Variants in KCTD16 observed in about 807,000 individuals in gnomAD.
The protein encoded by KCTD16 is potassium channel tetramerization domain containing 16.
A neutral mutation model predicts 33.2 loss-of-function variants in KCTD16; 13 were observed. The ratio of observed to expected loss-of-function variants is 0.39; its 90% CI spans 0.25 to 0.62. The LOEUF (loss-of-function observed/expected upper bound fraction) is 0.62, where lower values mean the gene tolerates loss of function less well. KCTD16 is among the 20% of genes least tolerant of loss of function. The probability of loss-of-function intolerance (pLI) is 0.50; values close to 1 mark genes in which losing one functional copy is unlikely to be tolerated. For missense variants in KCTD16, 441 were observed against 525.1 expected, an observed-to-expected ratio of 0.84 and a Z score of 1.57; for synonymous variants, 197 against 195.3, an observed-to-expected ratio of 1.01 and a Z score of -0.07.
intron 3 of KCTD16, 126 bp downstream of exon 3, chr5:144,207,672 GT>G: frequency 1.3e-6 from 1 of 747,048 alleles, no homozygotes; most frequent in Non-Finnish European, 2.1e-6. Context: ...TTGAGTTGTA[GT>G]TAGAGGATTA....
chr5:144,271,253 A>G (rs1755285664), intron 3 of KCTD16, among the ~76,000 whole-genome samples: 1 of 152,094 alleles, frequency 6.6e-6, no homozygotes, highest in South Asian at 2.1e-4. Context: ...AATTGATGCA[A>G]AAATCCTCAC....
intron 3 of KCTD16, among the ~76,000 whole-genome samples, chr5:144,385,572 C>A (rs1456862885): frequency 6.6e-6 from 1 of 152,154 alleles, no homozygotes; most frequent in East Asian, 1.9e-4. Context: ...TACTATAGGA[C>A]AATTTTCTTT....
At chr5:144,301,754 A>G (rs1257167064) in intron 3 of KCTD16, among the ~76,000 whole-genome samples, 1 of 152,210 alleles carries the variant, frequency 6.6e-6, no homozygotes, top group Non-Finnish European at 1.5e-5. Flanking sequence ...TTCCCTTAGC[A>G]ACCAAGTGCT....
intron 3 of KCTD16, among the ~76,000 whole-genome samples, chr5:144,265,663 G>A (rs1480082177): frequency 6.6e-6 from 1 of 152,136 alleles, no homozygotes; most frequent in African/African-American, 2.4e-5. Flanking sequence ...AAATATTGTT[G>A]AATGAATGAA....
intron 3 of KCTD16, among the ~76,000 whole-genome samples, chr5:144,398,998 A>G (rs1253703124): frequency 2.6e-5 from 4 of 151,956 alleles, no homozygotes; most frequent in African/African-American, 9.7e-5. Context: ...GGAAATCTCT[A>G]AGTACCAGAG....
chr5:144,180,243 T>G (rs777861957), intron 2 of KCTD16, among the ~76,000 whole-genome samples: 1 of 152,172 alleles, frequency 6.6e-6, no homozygotes, highest in Non-Finnish European at 1.5e-5. Context: ...GTCCTGAGCA[T>G]TAGTGCACAT....
At chr5:144,460,478 G>T (rs995365088) in intron 3 of KCTD16, among the ~76,000 whole-genome samples, 5 of 152,130 alleles carry the variant, frequency 3.3e-5, no homozygotes, top group African/African-American at 1.2e-4. Context: ...GTCTCACTCT[G>T]TCACCCAAGC....
At chr5:144,459,824 CTTTTTTTTTT>C (rs70995051) in intron 3 of KCTD16, among the ~76,000 whole-genome samples, 18 of 66,758 alleles carry the variant, frequency 2.7e-4, no homozygotes, top group Non-Finnish European at 4.4e-4. Context: ...CCAATATCAT[CTTTTTTTTTT>C]TTTTTTTTTT....
intron 3 of KCTD16, among the ~76,000 whole-genome samples, chr5:144,285,291 G>T (rs1017532004): frequency 3.3e-5 from 5 of 152,274 alleles, no homozygotes; most frequent in Non-Finnish European, 7.4e-5. Flanking sequence ...AAATAACAAT[G>T]ACACAAATGC....
chr5:144,435,833 G>A (rs1378410266), intron 3 of KCTD16, among the ~76,000 whole-genome samples: 1 of 149,080 alleles, frequency 6.7e-6, no homozygotes, highest in African/African-American at 2.6e-5. Flanking sequence ...CTGTGTGTGT[G>A]TGTGTGTGTA....
At chr5:144,361,712 A>G (rs1211906490) in intron 3 of KCTD16, among the ~76,000 whole-genome samples, 2 of 152,202 alleles carry the variant, frequency 1.3e-5, no homozygotes, top group Non-Finnish European at 2.9e-5. Flanking sequence ...ATCTTTATGT[A>G]CTAAAAACAG....
chr5:144,418,220 A>C (rs1753123724), intron 3 of KCTD16, among the ~76,000 whole-genome samples: 1 of 152,284 alleles, frequency 6.6e-6, no homozygotes, highest in Middle Eastern at 3.4e-3. Context: ...AGCAGCAGCA[A>C]GCTTTATTAC....
chr5:144,265,029 C>G (rs765554028), intron 3 of KCTD16, among the ~76,000 whole-genome samples: 11 of 152,166 alleles, frequency 7.2e-5, no homozygotes, highest in Non-Finnish European at 1.3e-4. Context: ...TACTTCCTAG[C>G]TGTTAGCAAT....
At chr5:144,238,130 T>C in intron 3 of KCTD16, among the ~76,000 whole-genome samples, 1 of 152,166 alleles carries the variant, frequency 6.6e-6, no homozygotes, top group East Asian at 1.9e-4. Context: ...ATTCTGAAGG[T>C]GGGGCTTGTG....
chr5:144,416,057 C>T (rs1753046727), intron 3 of KCTD16, among the ~76,000 whole-genome samples: 1 of 152,122 alleles, frequency 6.6e-6, no homozygotes, highest in Admixed American at 6.6e-5. Flanking sequence ...TGACCATATA[C>T]TATATGTTAT....
At chr5:144,277,297 T>C (rs1002945509) in intron 3 of KCTD16, among the ~76,000 whole-genome samples, 1 of 152,204 alleles carries the variant, frequency 6.6e-6, no homozygotes, top group Admixed American at 6.5e-5. Context: ...CTGATGATGA[T>C]GACGACGATG....
intron 3 of KCTD16, among the ~76,000 whole-genome samples, chr5:144,230,470 A>G (rs1754069764): frequency 6.6e-6 from 1 of 152,240 alleles, no homozygotes; most frequent in African/African-American, 2.4e-5. Flanking sequence ...AGTGGATATC[A>G]TTGGATTTAT....
chr5:144,279,243 G>A (rs1755537071), intron 3 of KCTD16, among the ~76,000 whole-genome samples: 1 of 152,132 alleles, frequency 6.6e-6, no homozygotes, highest in African/African-American at 2.4e-5. Context: ...TGTTGCCTAT[G>A]AATAGAGACA....
intron 3 of KCTD16, among the ~76,000 whole-genome samples, chr5:144,271,371 A>G (rs1178464610): frequency 6.6e-6 from 1 of 152,154 alleles, no homozygotes; most frequent in Non-Finnish European, 1.5e-5. Flanking sequence ...AATCAATGTC[A>G]TACATCACAT....
Sources: gnomAD v4.1 joint callset for allele counts (sites outside exome capture counted in the v4.1 genomes callset) on GRCh38, gnomAD v4.1.1 for gene constraint, MANE v1.5 for transcripts, NCBI Gene and HGNC (gene_info 2026-07-23, HGNC 2026-07-21) for gene names.